PRKG1: variants seen among roughly 807,000 people sequenced by gnomAD.
PRKG1 encodes the protein cGMP-dependent protein kinase 1.
Under a neutral mutation model 88.1 loss-of-function variants are expected in PRKG1, and 35 were observed. The observed-to-expected ratio is 0.40, with a 90% CI of 0.30 to 0.53. The LOEUF (loss-of-function observed/expected upper bound fraction) is 0.53, where lower values mean the gene tolerates loss of function less well. Among genes scored for constraint, PRKG1 ranks in the 20% least tolerant of loss-of-function variants. The pLI, the probability that PRKG1 is intolerant of heterozygous loss-of-function variation, is 0.59. For synonymous variants in PRKG1, 303 were observed against 292.5 expected, an observed-to-expected ratio of 1.04 and a Z score of -0.37; for missense variants, 540 against 839.8, an observed-to-expected ratio of 0.64 and a Z score of 4.41.
At chr10:51,296,908 A>G (rs772036397) in intron 2 of PRKG1, among the ~76,000 whole-genome samples, 75 of 152,018 alleles carry the variant, frequency 4.9e-4, no homozygotes, top group Non-Finnish European at 7.2e-4. Context: ...ACCTTTGTCT[A>G]TTCTTTCCCT....
chr10:51,353,226 T>C (rs778330236), intron 2 of PRKG1, among the ~76,000 whole-genome samples: 1 of 152,108 alleles, frequency 6.6e-6, no homozygotes, highest in Non-Finnish European at 1.5e-5. Flanking sequence ...CTCTAGGACA[T>C]TGATCTGGGC....
intron 2 of PRKG1, among the ~76,000 whole-genome samples, chr10:51,363,423 C>A (rs1478831439): frequency 6.6e-6 from 1 of 151,804 alleles, no homozygotes; most frequent in Non-Finnish European, 1.5e-5. Context: ...TCAGCTGATT[C>A]ATTTCTTTGC....
chr10:51,256,694 A>G (rs1025673338), intron 2 of PRKG1, among the ~76,000 whole-genome samples: 14 of 152,156 alleles, frequency 9.2e-5, no homozygotes, highest in African/African-American at 3.4e-4. Flanking sequence ...AAGATGCACT[A>G]AGAAAGAAAA....
intron 4 of PRKG1, among the ~76,000 whole-genome samples, chr10:51,902,754 G>C (rs1250347849): frequency 1.3e-5 from 2 of 151,864 alleles, no homozygotes; most frequent in East Asian, 1.9e-4. Context: ...GAAGACCCAA[G>C]AACAAACAAG....
At chr10:51,442,083 A>C (rs988077310) in intron 2 of PRKG1, among the ~76,000 whole-genome samples, 8 of 151,776 alleles carry the variant, frequency 5.3e-5, no homozygotes, top group African/African-American at 9.7e-5. Context: ...GAAAAAAAAA[A>C]CCCTGCATAT....
chr10:51,629,094 T>C (rs1380038536), intron 3 of PRKG1, among the ~76,000 whole-genome samples: 1 of 152,100 alleles, frequency 6.6e-6, no homozygotes, highest in Non-Finnish European at 1.5e-5. Context: ...GTTGAAAATA[T>C]GGGGTGTGGA....
At chr10:52,218,698 T>A (rs951573687) in intron 9 of PRKG1, among the ~76,000 whole-genome samples, 5 of 152,178 alleles carry the variant, frequency 3.3e-5, no homozygotes, top group Admixed American at 1.3e-4. Context: ...TATTCTGGAT[T>A]CTTAAATTAA....
At chr10:51,796,806 CAA>C (rs1839023130) in intron 3 of PRKG1, among the ~76,000 whole-genome samples, 1 of 151,988 alleles carries the variant, frequency 6.6e-6, no homozygotes, top group South Asian at 2.1e-4. Flanking sequence ...CTAGTTAGGA[CAA>C]AAAAGTACAG....
intron 7 of PRKG1, among the ~76,000 whole-genome samples, chr10:52,119,973 CAGAG>C (rs1468709967): frequency 6.7e-6 from 1 of 148,526 alleles, no homozygotes; most frequent in Non-Finnish European, 1.5e-5. Context: ...CAGAGAGAGA[CAGAG>C]AGGGAAAGTG....
At chr10:52,074,746 A>G (rs539265999) in intron 7 of PRKG1, among the ~76,000 whole-genome samples, 1 of 152,322 alleles carries the variant, frequency 6.6e-6, no homozygotes, top group South Asian at 2.1e-4. Context: ...TTAATTGGCT[A>G]GATTCACTGT....
intron 2 of PRKG1, among the ~76,000 whole-genome samples, chr10:51,340,755 A>G (rs1841986911): frequency 6.6e-6 from 1 of 152,184 alleles, no homozygotes; most frequent in African/African-American, 2.4e-5. Flanking sequence ...TCTTTGAGAA[A>G]AGTTCAGTGC....
chr10:51,276,428 T>C (rs1840119917), intron 2 of PRKG1, among the ~76,000 whole-genome samples: 1 of 152,228 alleles, frequency 6.6e-6, no homozygotes, highest in Non-Finnish European at 1.5e-5. Context: ...TAAACATACA[T>C]GTGCATGTGT....
rs1473122409 is a variant in PRKG1, at chr10:51,743,647, T to TATAA, written c.593-60937_593-60936insTAAA. Among the ~76,000 whole-genome samples the TATAA allele has an allele frequency of 3.6e-5, 5 of 138,916 alleles. No individual in the cohort carries two copies. The East Asian group carries it at 6.0e-4, about 17-fold the overall frequency. The allele number at this position is 138,916 out of a possible 152,430, so 91.1% of individuals were successfully genotyped here. ...GTTTAATTTATTTTATATATATATA[T>TATAA]AATATAAACTAAATATATATATATT... On this transcript the variant is annotated intron_variant, in intron 3 of 17. Transcript: ENST00000373980.
At chr10:51,418,102 TGTGA>T (rs1405125856) in intron 2 of PRKG1, among the ~76,000 whole-genome samples, 4 of 152,214 alleles carry the variant, frequency 2.6e-5, no homozygotes, top group Non-Finnish European at 5.9e-5. Flanking sequence ...TTCTAGCAAC[TGTGA>T]GTGAGATAAA....
At chr10:52,209,018 C>T (rs187944356) in intron 9 of PRKG1, among the ~76,000 whole-genome samples, 288 of 152,048 alleles carry the variant, frequency 1.9e-3, no homozygotes, top group Non-Finnish European at 3.3e-3. Flanking sequence ...TGCTTAAGAG[C>T]GAGAAAATGA....
At chr10:51,192,495 A>G (rs1010264196) in intron 2 of PRKG1, among the ~76,000 whole-genome samples, 1 of 151,996 alleles carries the variant, frequency 6.6e-6, no homozygotes, top group Non-Finnish European at 1.5e-5. Context: ...TTTATTTAAA[A>G]TTCCATTCTA....
intron 5 of PRKG1, among the ~76,000 whole-genome samples, chr10:52,031,117 T>C (rs1009222212): frequency 4.6e-5 from 7 of 151,946 alleles, no homozygotes; most frequent in Middle Eastern, 3.2e-3. Flanking sequence ...CAGAACCAGG[T>C]TGTGAAATAG....
intron 5 of PRKG1, among the ~76,000 whole-genome samples, chr10:52,042,428 C>T (rs1845773942): frequency 6.6e-6 from 1 of 152,058 alleles, no homozygotes; most frequent in Non-Finnish European, 1.5e-5. Context: ...CACATATCAA[C>T]AGCCAACTGA....
At chr10:52,145,098 T>C (rs1162166858) in intron 8 of PRKG1, among the ~76,000 whole-genome samples, 1 of 152,152 alleles carries the variant, frequency 6.6e-6, no homozygotes, top group Non-Finnish European at 1.5e-5. Flanking sequence ...CAGTTAGAAA[T>C]GTGAGTTTTG....
Sources: allele counts gnomAD v4.1 joint callset (sites outside exome capture counted in the v4.1 genomes callset), GRCh38; gene constraint gnomAD v4.1.1; transcripts MANE v1.5; gene names NCBI Gene and HGNC (gene_info 2026-07-23, HGNC 2026-07-21).